Variants in DYNC2LI1 observed in about 807,000 individuals in gnomAD.
The protein encoded by DYNC2LI1 is cytoplasmic dynein 2 light intermediate chain 1.
In DYNC2LI1, 45 loss-of-function variants were observed where a neutral mutation model predicts 51.9. That is an observed-to-expected ratio of 0.87 (90% CI 0.68 to 1.11). The LOEUF (loss-of-function observed/expected upper bound fraction) is 1.11, where lower values mean the gene tolerates loss of function less well. DYNC2LI1 is among the 50% of genes most tolerant of loss of function. The pLI is 0.00. For synonymous variants in DYNC2LI1, 130 were observed against 137.8 expected (o/e 0.94, Z 0.40); for missense variants, 490 against 417.4 (o/e 1.17, Z -1.51).
intron 9 of DYNC2LI1, chr2:43,801,355 T>A (rs1274137365): frequency 4.7e-6 from 1 of 213,506 alleles, no homozygotes. Context: ...TGATTTGAAA[T>A]GGAATTGAAA....
chr2:43,827,891 A>G, the DYNC2LI1 span: 1 of 1,572,058 alleles, frequency 6.4e-7, no homozygotes, highest in East Asian at 2.3e-5. Context: ...ACCCCTTTCC[A>G]AATGAGGACC....
the DYNC2LI1 span, among the ~76,000 whole-genome samples, chr2:43,825,996 G>C: frequency 1.3e-5 from 2 of 151,890 alleles, no homozygotes; most frequent in Admixed American, 1.3e-4. Context: ...GTTTGTTTGA[G>C]ATGAGGTCTT....
At chr2:43,804,566 G>A in intron 10 of DYNC2LI1, 76 bp from the exon 11 acceptor site, 1 of 929,824 alleles carries the variant, frequency 1.1e-6, no homozygotes, top group Non-Finnish European at 1.6e-6. Context: ...ACCTTTGTTA[G>A]TGTCATTTCT....
the DYNC2LI1 span, chr2:43,824,409 G>C: frequency 1.2e-6 from 2 of 1,613,978 alleles, no homozygotes; most frequent in Non-Finnish European, 1.7e-6. Flanking sequence ...TCCTTGCTTT[G>C]GGTATCCACT....
At chr2:43,822,794 C>T in the DYNC2LI1 span, 2 of 1,614,164 alleles carry the variant, frequency 1.2e-6, no homozygotes, top group Non-Finnish European at 1.7e-6. Flanking sequence ...AACAACCCCT[C>T]ACCAGTAGCA....
chr2:43,801,160 T>C (rs1666067998), intron 9 of DYNC2LI1: 1 of 157,664 alleles, frequency 6.3e-6, no homozygotes, highest in Non-Finnish European at 1.4e-5. Context: ...ATAAAGGGGA[T>C]AATTTCATAT....
In DYNC2LI1 at chr2:43,809,890, C is replaced by G; in HGVS notation, c.*123C>G. 7.0e-7 allele frequency: 1 copy of G among 1,433,506 alleles called. No homozygotes were observed. Among genetic ancestry groups the G allele is most frequent in the South Asian group, 1.6e-5 (1 of 61,044 alleles). The allele number at this position is 1,433,506 out of a possible 1,614,324, so 88.8% of individuals were successfully genotyped here. The stretch of plus-strand genomic sequence containing the variant: ...ACTGTATAATTTGTTAAAGGACAAG[C>G]TGGATTTCTTGGACTAGTGCATCTC... On this transcript the variant is annotated 3_prime_UTR_variant, in exon 13 of 13. Transcript: ENST00000260605.
downstream of DYNC2LI1, among the ~76,000 whole-genome samples, chr2:43,813,708 C>CCT (rs1558715512): frequency 3.2e-3 from 113 of 35,366 alleles, 3 homozygotes; most frequent in Middle Eastern, 0.038. Context: ...TTTTTTTTTT[C>CCT]GTTTTTTTTT....
At chr2:43,819,390 T>C in the DYNC2LI1 span, among the ~76,000 whole-genome samples, 3 of 152,108 alleles carry the variant, frequency 2.0e-5, no homozygotes, top group Middle Eastern at 3.4e-3. Flanking sequence ...ACTATTGATA[T>C]TGATTTTAGA....
the DYNC2LI1 span, among the ~76,000 whole-genome samples, chr2:43,817,174 C>T: frequency 6.6e-6 from 1 of 152,210 alleles, no homozygotes; most frequent in Non-Finnish European, 1.5e-5. Context: ...GTATTCTTTG[C>T]AACTGCCTAC....
chr2:43,788,412 T>G (rs1458056716), intron 4 of DYNC2LI1, among the ~76,000 whole-genome samples: 2 of 152,184 alleles, frequency 1.3e-5, no homozygotes, highest in African/African-American at 2.4e-5. Flanking sequence ...TTCTAAACTG[T>G]GTACTATCAA....
chr2:43,822,282 C>T, the DYNC2LI1 span, among the ~76,000 whole-genome samples: 1 of 152,150 alleles, frequency 6.6e-6, no homozygotes, highest in Non-Finnish European at 1.5e-5. Context: ...CCTTTAACCC[C>T]TGCAATATTG....
rs1166080449 is a variant in DYNC2LI1 at position 43,790,556 on chromosome 2, C to G, written c.320+835C>G. Among the ~76,000 whole-genome samples the G allele has an allele frequency of 6.7e-5, 10 of 148,456 alleles. No individual in the cohort carries two copies. In the East Asian group the frequency reaches 2.0e-3, roughly 29 times the overall value. On this transcript the variant is annotated intron_variant, in intron 5 of 12. Coordinates refer to ENST00000260605, the MANE Select transcript of DYNC2LI1 (RefSeq NM_016008.4). Reference sequence around the variant, plus strand: ...GTTTTATTTGGTCTTTTTTTTTTTCCTTTTAGTGAAATATGATTTACTTTC... The same window carrying G: ...GTTTTATTTGGTCTTTTTTTTTTTCGTTTTAGTGAAATATGATTTACTTTC...
At chr2:43,801,594 A>G in intron 9 of DYNC2LI1, 45 bp from the exon 10 acceptor site, 1 of 1,464,858 alleles carries the variant, frequency 6.8e-7, no homozygotes, top group Non-Finnish European at 9.5e-7. Context: ...GTGGCAGCAA[A>G]TCTAATTGCT....
intron 10 of DYNC2LI1, among the ~76,000 whole-genome samples, chr2:43,803,295 CTA>C (rs1170443739): frequency 6.6e-5 from 10 of 152,164 alleles, no homozygotes; most frequent in South Asian, 4.2e-4. Flanking sequence ...AGGTGAGTGA[CTA>C]AACAACTGTG....
the DYNC2LI1 span, chr2:43,822,693 C>G: frequency 6.6e-7 from 1 of 1,516,954 alleles, no homozygotes; most frequent in East Asian, 2.5e-5. Flanking sequence ...AAGTGTAGAT[C>G]CTCCAGAGCA....
At chr2:43,822,478 G>GCACCCCCC in the DYNC2LI1 span, 1 of 432,260 alleles carries the variant, frequency 2.3e-6, no homozygotes, top group African/African-American at 2.2e-5. Flanking sequence ...CCTCCCCCAG[G>GCACCCCCC]CCCCCCCCCA....
Position 43,794,949 on chromosome 2 carries a change from TA to T in DYNC2LI1, c.507+311del, listed in dbSNP as rs1673965511. The T allele has an allele frequency of 4.7e-6, 6 of 1,284,660 alleles. No individual in the cohort carries two copies. The East Asian group carries it at 1.5e-4, about 32-fold the overall frequency. The allele number at this position is 1,284,660 out of a possible 1,614,324, so 79.6% of individuals were successfully genotyped here. ...TTTATAATCTCTGTAAAAATGAAGA[TA>T]AAAAGCCAGATTGTACAAAAGTCAC... is the stretch of plus-strand genomic sequence containing the variant. On this transcript the variant is annotated intron_variant, in intron 6 of 12. Coordinates refer to ENST00000260605, the MANE Select transcript of DYNC2LI1 (RefSeq NM_016008.4).
At chr2:43,793,879 C>T (rs1287942371) in intron 5 of DYNC2LI1, 1 of 152,794 alleles carries the variant, frequency 6.5e-6, no homozygotes, top group Non-Finnish European at 1.5e-5. Flanking sequence ...TTCAGAGAGA[C>T]AGAATGGTAT....
Sources: allele counts gnomAD v4.1 joint callset (sites outside exome capture counted in the v4.1 genomes callset), GRCh38; gene constraint gnomAD v4.1.1; transcripts MANE v1.5; gene names NCBI Gene and HGNC (gene_info 2026-07-23, HGNC 2026-07-21).